Variants in SHROOM2 observed in about 807,000 individuals in gnomAD.
SHROOM2 encodes protein Shroom2.
Under a neutral mutation model 75.9 loss-of-function variants are expected in SHROOM2, and 33 were observed. The ratio of observed to expected loss-of-function variants is 0.43; its 90% CI spans 0.33 to 0.58. SHROOM2 has a LOEUF of 0.58. SHROOM2 is among the 20% of genes least tolerant of loss of function. The pLI is 0.04. For synonymous variants in SHROOM2, 655 were observed against 663.6 expected (o/e 0.99, Z 0.20); for missense variants, 1,434 against 1,461.2 (o/e 0.98, Z 0.30).
At chrX:9,789,877 G>A (rs1403474052) in intron 1 of SHROOM2, among the ~76,000 whole-genome samples, 1 of 112,164 alleles carries the variant, frequency 8.9e-6, no homozygotes, top group Non-Finnish European at 1.9e-5. Flanking sequence ...AGCCCCAAGG[G>A]CAGCTCCTTT....
chrX:9,824,705 T>C (rs1452502886), intron 1 of SHROOM2, among the ~76,000 whole-genome samples: 5 of 111,579 alleles, frequency 4.5e-5, no homozygotes, highest in Admixed American at 9.5e-5. Context: ...TGCAAGCCAG[T>C]GGATCTGTAG....
At chrX:9,889,049 A>G (rs1255506778) in intron 2 of SHROOM2, among the ~76,000 whole-genome samples, 1 of 112,425 alleles carries the variant, frequency 8.9e-6, no homozygotes, top group Non-Finnish European at 1.9e-5. Flanking sequence ...TAGCACAGAG[A>G]AAGCCAGCTG....
chrX:9,858,215 C>T (rs966893646), intron 1 of SHROOM2, among the ~76,000 whole-genome samples: 4 of 111,840 alleles, frequency 3.6e-5, no homozygotes, highest in African/African-American at 1.3e-4. Flanking sequence ...GCAGCCTCGG[C>T]TCAGTGCCCC....
chrX:9,854,513 C>G (rs1266458484), intron 1 of SHROOM2, among the ~76,000 whole-genome samples: 1 of 112,151 alleles, frequency 8.9e-6, no homozygotes, highest in African/African-American at 3.2e-5. Context: ...TTTGCATTTT[C>G]TCGTGTTTTA....
At chrX:9,924,076 C>T (rs942936097) in intron 5 of SHROOM2, among the ~76,000 whole-genome samples, 3 of 112,275 alleles carry the variant, frequency 2.7e-5, no homozygotes, top group African/African-American at 9.7e-5. Flanking sequence ...CACTAGAATC[C>T]TGGCATACAG....
Position 9,843,244 on chromosome X carries a change from T to C in SHROOM2, c.166-30408T>C, listed in dbSNP as rs752927766. On this transcript the variant is annotated intron_variant, in intron 1 of 9. Coordinates refer to ENST00000380913, the MANE Select transcript of SHROOM2 (RefSeq NM_001649.4). ...CATATATCCCTGCCATCCCCTATTG[T>C]TAACATCTCACATCACCATGGTATA... Among the ~76,000 whole-genome samples the C allele has an allele frequency of 5.5e-5, 6 of 109,540 alleles. No homozygotes were observed. In the South Asian group the frequency reaches 2.4e-3, roughly 44 times the overall value.
At chrX:9,804,497 A>G (rs931870835) in intron 1 of SHROOM2, among the ~76,000 whole-genome samples, 1 of 112,494 alleles carries the variant, frequency 8.9e-6, no homozygotes, top group Admixed American at 9.5e-5. Context: ...GCAACCAAGA[A>G]AACCATAGCC....
At chrX:9,888,350 G>A (rs971192976) in intron 2 of SHROOM2, among the ~76,000 whole-genome samples, 1 of 112,341 alleles carries the variant, frequency 8.9e-6, no homozygotes, top group Admixed American at 9.4e-5. Flanking sequence ...GGGGCTGCCT[G>A]GTGTCGCTTT....
intron 5 of SHROOM2, among the ~76,000 whole-genome samples, chrX:9,899,836 T>A (rs1410988178): frequency 2.7e-5 from 3 of 112,585 alleles, no homozygotes; most frequent in Admixed American, 1.9e-4. Context: ...CCAAGCCAGC[T>A]CCCAGGCCGT....
chrX:9,863,042 A>C (rs2084113092), intron 1 of SHROOM2, among the ~76,000 whole-genome samples: 1 of 110,156 alleles, frequency 9.1e-6, no homozygotes, highest in Non-Finnish European at 1.9e-5. Flanking sequence ...GGAGGCACAC[A>C]CCTTTGGGCT....
intron 2 of SHROOM2, among the ~76,000 whole-genome samples, chrX:9,879,543 G>A (rs2084220134): frequency 8.9e-6 from 1 of 112,760 alleles, no homozygotes; most frequent in Non-Finnish European, 1.9e-5. Context: ...TTACAGGCGT[G>A]AGCCACTGCA....
At chrX:9,905,694 C>G (rs748938780) in intron 5 of SHROOM2, among the ~76,000 whole-genome samples, 5 of 113,018 alleles carry the variant, frequency 4.4e-5, no homozygotes, top group East Asian at 2.8e-4. Context: ...TCCATACTAG[C>G]TCTTAGAATC....
At position 9,949,314 on chromosome X, in the gene SHROOM2, G is replaced by A. The variant is rs1366505904; in HGVS notation, c.*2377G>A. On this transcript the variant is annotated 3_prime_UTR_variant, in exon 10 of 10. Coordinates refer to ENST00000380913, the MANE Select transcript of SHROOM2 (RefSeq NM_001649.4). Reference sequence around the variant, plus strand: ...TGGAGGGCTCTGCCTATGGGGGGTGGCCTGTGGCTTGTATCCTTCAGTCCA... The same window carrying A: ...TGGAGGGCTCTGCCTATGGGGGGTGACCTGTGGCTTGTATCCTTCAGTCCA... 1 of 328,697 alleles carries A rather than the reference G, an allele frequency of 3.0e-6. No individual in the cohort carries two copies. The highest frequency in any genetic ancestry group is 2.7e-5 in the African/African-American group (1 of 37,561). 27.1% of individuals were successfully genotyped at this position (328,697 alleles called of 1,213,427 possible).
chrX:9,932,612 C>T lies in SHROOM2; in HGVS notation c.3329C>T (p.Ser1110Phe). The change falls in exon 6 of 10, where the codon TCC (serine) becomes TTC (phenylalanine). Residue 1110 changes from serine (S) to phenylalanine (F), a missense_variant. Ser to Phe is a radical substitution (Grantham distance 155). This residue lies in a region of SHROOM2 where 1,340 missense variants were observed against 1,338.3 expected (regional missense o/e 1.00). Transcript: ENST00000380913. Reference sequence around the variant, plus strand: ...CTGGATGTGTATGTGGCCCGCCTGTCCCTCTCCCACAGCCCCTCTGTGTTC... The same window carrying T: ...CTGGATGTGTATGTGGCCCGCCTGTTCCTCTCCCACAGCCCCTCTGTGTTC... ...ASLDVYVARL[S>F]LSHSPSVFSS... The T allele has an allele frequency of 8.3e-7, 1 of 1,211,569 alleles. No homozygotes were observed. The highest frequency in any genetic ancestry group is 1.1e-6 in the Non-Finnish European group (1 of 895,258).
intron 2 of SHROOM2, among the ~76,000 whole-genome samples, chrX:9,879,447 G>A (rs1036195929): frequency 9.0e-6 from 1 of 110,978 alleles, no homozygotes; most frequent in Admixed American, 9.6e-5. Flanking sequence ...TTTTAGTAGG[G>A]ATGGGGTTGC....
intron 5 of SHROOM2, among the ~76,000 whole-genome samples, chrX:9,917,027 G>A (rs999350970): frequency 5.4e-5 from 6 of 111,780 alleles, no homozygotes; most frequent in Non-Finnish European, 9.4e-5. Context: ...TGCCGCAGAA[G>A]GTGTAGCCAC....
At chrX:9,791,420 G>A (rs2083647059) in intron 1 of SHROOM2, among the ~76,000 whole-genome samples, 3 of 112,134 alleles carry the variant, frequency 2.7e-5, no homozygotes, top group African/African-American at 6.5e-5. Flanking sequence ...TAAGGGCAGT[G>A]GAGAAAAGCT....
At chrX:9,789,168 G>A (rs1020030759) in intron 1 of SHROOM2, among the ~76,000 whole-genome samples, 1 of 111,515 alleles carries the variant, frequency 9.0e-6, no homozygotes, top group Non-Finnish European at 1.9e-5. Context: ...TTTGTAGCTG[G>A]AGAAAGGAAA....
chrX:9,851,451 TTTTTTTTC>T (rs2084039462), intron 1 of SHROOM2, among the ~76,000 whole-genome samples: 2 of 73,786 alleles, frequency 2.7e-5, no homozygotes, highest in African/African-American at 1.2e-4. Flanking sequence ...TATTGCTTTT[TTTTTTTTC>T]TTTTTTTTTT....
Sources: allele counts gnomAD v4.1 joint callset (sites outside exome capture counted in the v4.1 genomes callset), GRCh38; gene constraint gnomAD v4.1.1; regional missense constraint gnomAD v4.1.1; transcripts MANE v1.5; gene names NCBI Gene and HGNC (gene_info 2026-07-23, HGNC 2026-07-21).